The following SERPINB6 variants were observed in gnomAD, a reference collection of about 807,000 sequenced individuals.
SERPINB6 encodes serpin B6.
A neutral mutation model predicts 26.1 loss-of-function variants in SERPINB6; 16 were observed. The observed-to-expected ratio is 0.61, with a 90% CI of 0.42 to 0.93. SERPINB6 has a LOEUF of 0.93. Among genes scored for constraint, SERPINB6 ranks in the 40% least tolerant of loss-of-function variants. The pLI, the probability that SERPINB6 is intolerant of heterozygous loss-of-function variation, is 0.00. For missense variants in SERPINB6, 420 were observed against 478.0 expected, an observed-to-expected ratio of 0.88 and a Z score of 1.13; for synonymous variants, 174 against 176.6, an observed-to-expected ratio of 0.99 and a Z score of 0.11.
At position 2,966,444 on chromosome 6, in the gene SERPINB6, G is replaced by C. The variant is rs189270846; in HGVS notation, c.-11+5089C>G. On this transcript the variant is annotated intron_variant, in intron 1 of 6. Coordinates refer to ENST00000380539, the MANE Select transcript of SERPINB6 (RefSeq NM_004568.6). The stretch of plus-strand genomic sequence containing the variant: ...AGCAGATCCGTCTGTGGTCTGTTAG[G>C]AACTGGGCCACGCAGCAGGAGGTGA... 4.8e-5 allele frequency: 47 copies of C among 985,032 alleles called. No individual in the cohort carries two copies. The African/African-American group carries it at 7.7e-4, about 16-fold the overall frequency. 61.0% of individuals were successfully genotyped at this position (985,032 alleles called of 1,614,324 possible).
rs70995402 is a variant in SERPINB6, at chr6:2,970,724, CAAAAAAAA to C, written c.-11+801_-11+808del. ...AGTTTTCCGAAGCCAATCTTTAGGA[CAAAAAAAA>C]AAAAAAAAAAAAGGAAGAAAATAAC... On this transcript the variant is annotated intron_variant, in intron 1 of 6. Transcript: ENST00000380539. 42 of 1,071,634 alleles carry C rather than the reference CAAAAAAAA, an allele frequency of 3.9e-5. No individual in the cohort carries two copies. In the East Asian group the frequency reaches 7.9e-4, roughly 20 times the overall value. 66.4% of individuals were successfully genotyped at this position (1,071,634 alleles called of 1,614,324 possible). A position where few individuals can be genotyped will look rare whatever the true frequency, so the allele number is the denominator to read the frequency against.
Position 2,948,300 on chromosome 6 carries a change from A to C in SERPINB6, c.1129T>G (p.Ter377GlyextTer37), listed in dbSNP as rs1769330810. The stretch of plus-strand genomic sequence containing the variant: ...TGCACACCAAGACTGCCCTGTCCTC[A>C]CGGAGAGGAAAAGCGGCCGCAGAAG... ...ILFCGRFSSP[*>G] The change falls in exon 7 of 7, where the codon TGA becomes GGA. Residue 377 changes from the stop codon to glycine, a stop_lost. Coordinates refer to ENST00000380539, the MANE Select transcript of SERPINB6 (RefSeq NM_004568.6). This position sits in a 1 kb window ranked among gnomAD's most constrained non-coding sequence, Gnocchi z 5.0. The C allele has an allele frequency of 6.2e-7, 1 of 1,613,410 alleles. No individual in the cohort carries two copies. The highest frequency in any genetic ancestry group is 1.3e-5 in the African/African-American group (1 of 75,022).
chr6:2,951,713 G>A lies in SERPINB6; in HGVS notation c.573+1331C>T, dbSNP rs143273566. Reference sequence around the variant, plus strand: ...TACACCTCTGGCCTCAGGCTGGTACGCTCAATACTGCAGCCCCTTCCTTCA... The same window carrying A: ...TACACCTCTGGCCTCAGGCTGGTACACTCAATACTGCAGCCCCTTCCTTCA... On this transcript the variant is annotated intron_variant, in intron 5 of 6. Transcript: ENST00000380539. 7.6e-4 allele frequency among the ~76,000 whole-genome samples: 115 copies of A among 152,260 alleles called. 1 individual carries two copies. In the East Asian group the frequency reaches 0.02, roughly 27 times the overall value.
intron 1 of SERPINB6, chr6:2,970,582 A>G (rs1772047480): frequency 8.2e-7 from 1 of 1,214,286 alleles, no homozygotes; most frequent in Non-Finnish European, 1.0e-6. Flanking sequence ...CAGGGCTGTC[A>G]TTAGGCACGA....
At chr6:2,968,907 T>C (rs897602745) in intron 1 of SERPINB6, 14 of 1,227,512 alleles carry the variant, frequency 1.1e-5, no homozygotes, top group Admixed American at 4.2e-5. Flanking sequence ...TGGCTATCGG[T>C]GGTGTTCTGG....
intron 5 of SERPINB6, among the ~76,000 whole-genome samples, chr6:2,951,388 G>GAAA (rs367951075): frequency 7.0e-5 from 6 of 86,292 alleles, no homozygotes; most frequent in Admixed American, 1.4e-4. Flanking sequence ...CTCTGTCTTG[G>GAAA]AAAAAATAAA....
intron 1 of SERPINB6, chr6:2,962,098 C>A: frequency 1.0e-6 from 1 of 985,368 alleles, no homozygotes; most frequent in African/African-American, 1.7e-5. Flanking sequence ...CCGGTAATAT[C>A]CCGGAGAATC....
chr6:2,955,615 G>C lies in SERPINB6; in HGVS notation c.221C>G (p.Ser74Cys). 1 of 1,614,230 alleles carries C rather than the reference G, an allele frequency of 6.2e-7. No homozygotes were observed. The highest frequency in any genetic ancestry group is 2.2e-5 in the East Asian group (1 of 44,888). The part of the protein sequence containing the change: ...GGGDIHQGFQ[S>C]LLTEVNKTGT... ...AGTCTTGTTCACTTCGGTGAGAAGA[G>C]ACTGGAAGCCCTGGTGGATGTCTCC... Residue 74 changes from serine to cysteine, a missense_variant, in exon 3 of 7, where the codon TCT becomes TGT. By Grantham distance (112) the Ser-to-Cys change is moderately radical. Transcript: ENST00000380539.
At chr6:2,950,974 C>T (rs1769722276) in intron 5 of SERPINB6, among the ~76,000 whole-genome samples, 1 of 152,228 alleles carries the variant, frequency 6.6e-6, no homozygotes. Flanking sequence ...TTTCCTTGGC[C>T]AGCAGTAGGC....
At chr6:2,970,606 A>T (rs2113372335) in intron 1 of SERPINB6, 1 of 1,221,168 alleles carries the variant, frequency 8.2e-7, no homozygotes, top group South Asian at 4.3e-5. Context: ...CATCCCAGAA[A>T]GCAAAAGTGC....
chr6:2,956,496 T>C (rs1036907736), intron 2 of SERPINB6: 1 of 152,306 alleles, frequency 6.6e-6, no homozygotes, highest in Non-Finnish European at 1.5e-5. Flanking sequence ...CTGGAGAAGG[T>C]GCCATCACCT....
At chr6:2,966,890 A>G in intron 1 of SERPINB6, 1 of 965,122 alleles carries the variant, frequency 1.0e-6, no homozygotes. Context: ...CCCGGCCTCA[A>G]GCTATCTTTC....
intron 5 of SERPINB6, among the ~76,000 whole-genome samples, chr6:2,952,232 G>C (rs1769892999): frequency 6.6e-6 from 1 of 152,162 alleles, no homozygotes; most frequent in Admixed American, 6.5e-5. Context: ...AATTCTTTCT[G>C]AATTGCGAGG....
At chr6:2,969,874 C>T in intron 1 of SERPINB6, 1 of 909,750 alleles carries the variant, frequency 1.1e-6, no homozygotes, top group South Asian at 5.1e-5. Flanking sequence ...CAGTGGCTCA[C>T]ATCTGTAATC....
At position 2,967,860 on chromosome 6, in the gene SERPINB6, T is replaced by C. The variant is rs1771770342; in HGVS notation, c.-11+3673A>G. 6.6e-6 allele frequency: 1 copy of C among 152,206 alleles called. No individual in the cohort carries two copies. Among genetic ancestry groups the C allele is most frequent in the South Asian group, 2.1e-4 (1 of 4,826 alleles). The allele number at this position is 152,206 out of a possible 1,614,324, so 9.4% of individuals were successfully genotyped here. A position where few individuals can be genotyped will look rare whatever the true frequency, so the allele number is the denominator to read the frequency against. Reference sequence around the variant, plus strand: ...CACTGCTGGTGGGTGTGTAAAACAGTTCAACCATTGGGGAAAGCAGTGTGG... The same window carrying C: ...CACTGCTGGTGGGTGTGTAAAACAGCTCAACCATTGGGGAAAGCAGTGTGG... On this transcript the variant is annotated intron_variant, in intron 1 of 6. Coordinates refer to ENST00000380539, the MANE Select transcript of SERPINB6 (RefSeq NM_004568.6). This position sits in a 1 kb window ranked among gnomAD's most constrained non-coding sequence, Gnocchi z 4.3.
chr6:2,948,409 C>T lies in SERPINB6; in HGVS notation c.1020G>A (p.Met340Ile). Residue 340 changes from methionine to isoleucine, a missense_variant, in exon 7 of 7, where the codon ATG becomes ATA. Physicochemically the swap from Met to Ile is conservative, Grantham distance 10 (BLOSUM62 1). Coordinates refer to ENST00000380539, the MANE Select transcript of SERPINB6 (RefSeq NM_004568.6). The surrounding 1 kb of genome is among the most constrained non-coding windows in gnomAD (Gnocchi z 5.0). ...AAAATAAIMM[M>I]RCARFVPRFC... ...AGCGGGGGACGAATCTGGCACACCG[C>T]ATCATCATGATGGCAGCTGTGGCGG... The T allele has an allele frequency of 6.2e-7, 1 of 1,614,190 alleles. No individual in the cohort carries two copies. The highest frequency in any genetic ancestry group is 8.5e-7 in the Non-Finnish European group (1 of 1,180,026).
intron 5 of SERPINB6, among the ~76,000 whole-genome samples, chr6:2,950,709 C>T (rs1252969541): frequency 2.0e-5 from 3 of 152,222 alleles, no homozygotes; most frequent in Non-Finnish European, 4.4e-5. Flanking sequence ...GGCCAGGAAC[C>T]ACACCCCATC....
intron 1 of SERPINB6, among the ~76,000 whole-genome samples, chr6:2,964,392 G>T (rs1771424717): frequency 6.6e-6 from 1 of 151,708 alleles, no homozygotes; most frequent in South Asian, 2.1e-4. Context: ...TAATGACATG[G>T]GAATACACAA....
chr6:2,968,419 CA>C, intron 1 of SERPINB6: 9 of 911,058 alleles, frequency 9.9e-6, no homozygotes, highest in Non-Finnish European at 1.2e-5. Flanking sequence ...ACCTATGTCA[CA>C]AACCTGCGTA....
Sources: allele counts gnomAD v4.1 joint callset (sites outside exome capture counted in the v4.1 genomes callset), GRCh38; gene constraint gnomAD v4.1.1; non-coding constraint Gnocchi (gnomAD v3.1); transcripts MANE v1.5; gene names NCBI Gene and HGNC (gene_info 2026-07-23, HGNC 2026-07-21).